The following ANXA8 variants were observed in gnomAD, a reference collection of about 807,000 sequenced individuals.
ANXA8 encodes VAC-beta.
ANXA8 carries 9 observed loss-of-function variants against 26.8 expected under a neutral mutation model. The observed-to-expected ratio is 0.34, with a 90% CI of 0.20 to 0.59. ANXA8 has a LOEUF of 0.59. ANXA8 is among the 20% of genes least tolerant of loss of function. ANXA8 has a pLI of 0.84. For synonymous variants in ANXA8, 39 were observed against 94.8 expected, an observed-to-expected ratio of 0.41 and a Z score of 3.42; for missense variants, 83 against 238.5, an observed-to-expected ratio of 0.35 and a Z score of 4.29.
At chr10:47,581,286 C>G in the ANXA8 span, 6 of 500,096 alleles carry the variant, frequency 1.2e-5, no homozygotes, top group South Asian at 8.9e-5. Context: ...AGCAGGCGTT[C>G]CTGGAACTGT....
At chr10:47,653,932 T>C in the ANXA8 span, among the ~76,000 whole-genome samples, 1 of 149,836 alleles carries the variant, frequency 6.7e-6, no homozygotes, top group African/African-American at 2.5e-5. Flanking sequence ...AGGTGTGAGC[T>C]ACTGCGCCCA....
At chr10:47,617,094 A>G in the ANXA8 span, among the ~76,000 whole-genome samples, 3 of 69,718 alleles carry the variant, frequency 4.3e-5, 1 homozygote, top group East Asian at 7.9e-4. Context: ...AGAGGAGTTA[A>G]TATCAATTTA....
At chr10:47,669,457 G>A in the ANXA8 span, among the ~76,000 whole-genome samples, 1 of 151,290 alleles carries the variant, frequency 6.6e-6, no homozygotes, top group Non-Finnish European at 1.5e-5. Context: ...GGTGGCTCAG[G>A]CCTGTAATCC....
At chr10:47,568,067 C>A in the ANXA8 span, 572 of 560,442 alleles carry the variant, frequency 1.0e-3, 5 homozygotes, top group African/African-American at 0.011. Flanking sequence ...CAGAGTCTTG[C>A]TCTGTCGCCC....
At chr10:47,659,537 G>A in the ANXA8 span, among the ~76,000 whole-genome samples, 3 of 151,500 alleles carry the variant, frequency 2.0e-5, no homozygotes, top group Admixed American at 1.3e-4. Flanking sequence ...TTAGCCGGGT[G>A]TGGTGGTGCA....
chr10:47,672,919 A>T, the ANXA8 span, among the ~76,000 whole-genome samples: 2 of 151,564 alleles, frequency 1.3e-5, no homozygotes, highest in East Asian at 1.9e-4. Context: ...AGCTGAGGAT[A>T]CAAGGGAGCC....
the ANXA8 span, among the ~76,000 whole-genome samples, chr10:47,768,035 C>G: frequency 6.7e-6 from 1 of 149,624 alleles, no homozygotes; most frequent in South Asian, 2.1e-4. Context: ...GCTGTTCCAG[C>G]TTCAGTCTCT....
chr10:47,763,791 G>GTGT, the ANXA8 span, among the ~76,000 whole-genome samples: 1 of 144,224 alleles, frequency 6.9e-6, no homozygotes, highest in Admixed American at 6.9e-5. Flanking sequence ...GTGTGTGTGT[G>GTGT]GGGGGGGGAG....
chr10:47,524,381 TAA>T, the ANXA8 span, among the ~76,000 whole-genome samples: 1 of 115,194 alleles, frequency 8.7e-6, no homozygotes, highest in Non-Finnish European at 1.8e-5. Flanking sequence ...CTACTCTCAA[TAA>T]AGAGTTATGG....
At chr10:47,744,636 A>C in the ANXA8 span, among the ~76,000 whole-genome samples, 1 of 151,896 alleles carries the variant, frequency 6.6e-6, no homozygotes, top group Non-Finnish European at 1.5e-5. Context: ...ATCCTAGGCA[A>C]ATATCACAAT....
the ANXA8 span, among the ~76,000 whole-genome samples, chr10:47,685,215 G>A: frequency 4.0e-5 from 6 of 151,122 alleles, no homozygotes; most frequent in Middle Eastern, 3.4e-3. Flanking sequence ...GCATGGTGGT[G>A]CATGCCTGTA....
At chr10:47,986,625 C>G in the ANXA8 span, 8 of 362,342 alleles carry the variant, frequency 2.2e-5, no homozygotes, top group Non-Finnish European at 4.3e-5. Flanking sequence ...ATTGGAGAAA[C>G]AGACTGCTCA....
chr10:47,943,100 T>C, the ANXA8 span, among the ~76,000 whole-genome samples: 4 of 146,420 alleles, frequency 2.7e-5, no homozygotes, highest in African/African-American at 1.1e-4. Flanking sequence ...AGTGTTAGGA[T>C]AGGGGTCTGT....
chr10:47,490,390 GACAA>G, the ANXA8 span: 1 of 144,290 alleles, frequency 6.9e-6, no homozygotes, highest in South Asian at 2.2e-4. Context: ...TCAAAGGAAT[GACAA>G]AGAGACAGTT....
the ANXA8 span, among the ~76,000 whole-genome samples, chr10:47,710,004 G>A: frequency 9.6e-6 from 1 of 104,566 alleles, no homozygotes; most frequent in Non-Finnish European, 1.8e-5. Context: ...TTTGGGGATA[G>A]TAAATAATTC....
At chr10:47,991,631 G>C in the ANXA8 span, 2 of 1,611,042 alleles carry the variant, frequency 1.2e-6, no homozygotes, top group South Asian at 1.1e-5. Context: ...CTGGTGACCA[G>C]CACCCAACAC....
the ANXA8 span, among the ~76,000 whole-genome samples, chr10:47,898,479 A>G: frequency 4.0e-4 from 1 of 2,520 alleles, no homozygotes; most frequent in South Asian, 0.01. Flanking sequence ...ATACTAGTCT[A>G]TAGGTAAATA....
the ANXA8 span, among the ~76,000 whole-genome samples, chr10:47,586,371 CCTT>C: frequency 1.4e-5 from 2 of 145,856 alleles, no homozygotes; most frequent in Admixed American, 1.3e-4. Flanking sequence ...CCATCCTCCT[CCTT>C]GAGTATAATT....
At chr10:47,776,839 G>A in the ANXA8 span, among the ~76,000 whole-genome samples, 3 of 151,666 alleles carry the variant, frequency 2.0e-5, 1 homozygote, top group Non-Finnish European at 4.4e-5. Flanking sequence ...TCCCTCACCT[G>A]CCTGCAGGTA....
Sources: gnomAD v4.1 joint callset for allele counts (sites outside exome capture counted in the v4.1 genomes callset) on GRCh38, gnomAD v4.1.1 for gene constraint, MANE v1.5 for transcripts, NCBI Gene and HGNC (gene_info 2026-07-23, HGNC 2026-07-21) for gene names.